Variants in WDR72 observed in about 807,000 individuals in gnomAD.
WDR72 encodes the protein WD repeat-containing protein 72.
Under a neutral mutation model 124.2 loss-of-function variants are expected in WDR72, and 120 were observed. The observed-to-expected ratio is 0.97, with a 90% CI of 0.83 to 1.12. WDR72 has a LOEUF of 1.12. Among genes scored for constraint, WDR72 ranks in the 50% most tolerant of loss-of-function variants. WDR72 has a pLI of 0.00. For missense variants in WDR72, 1,387 were observed against 1,278.8 expected (o/e 1.08, Z -1.29); for synonymous variants, 452 against 441.7 (o/e 1.02, Z -0.29).
At chr15:53,668,947 CAGGAGGAGGAGGAGA>C (rs1477459602) in intron 13 of WDR72, among the ~76,000 whole-genome samples, 23,095 of 82,990 alleles carry the variant, frequency 0.28, 4,953 homozygotes, top group Middle Eastern at 0.5. Flanking sequence ...GGAGGAGGAG[CAGGAGGAGGAGGAGA>C]AGGAGGAGGA....
At chr15:53,571,856 C>T (rs1431799889) in intron 18 of WDR72, among the ~76,000 whole-genome samples, 1 of 151,738 alleles carries the variant, frequency 6.6e-6, no homozygotes, top group Non-Finnish European at 1.5e-5. Context: ...GCAAGTGTTC[C>T]CTTTTGTCCA....
intron 19 of WDR72, among the ~76,000 whole-genome samples, chr15:53,518,423 G>T (rs1397584681): frequency 1.3e-5 from 2 of 151,942 alleles, no homozygotes; most frequent in Admixed American, 1.3e-4. Flanking sequence ...TACTAACTGT[G>T]TGTGTGTGTG....
rs1567031679 is a variant in WDR72, at chr15:53,692,443, AATAGTT to A, written c.1765+7301_1765+7306del. On this transcript the variant is annotated intron_variant, in intron 13 of 19. Transcript: ENST00000360509. ...AATTCATGAAGGATTTATAATAAAT[AATAGTT>A]AATGTTTATTCAGCCCTCGCTGCCA... 2.0e-5 allele frequency among the ~76,000 whole-genome samples: 3 copies of A among 152,188 alleles called. No homozygotes were observed. The East Asian group carries it at 5.8e-4, about 29-fold the overall frequency.
Position 53,733,055 on chromosome 15 carries a change from A to G in WDR72, c.95T>C (p.Ile32Thr). 6.2e-7 allele frequency: 1 copy of G among 1,614,038 alleles called. No homozygotes were observed. The highest frequency in any genetic ancestry group is 8.5e-7 in the Non-Finnish European group (1 of 1,179,946). Residue 32 changes from isoleucine to threonine, a missense_variant, in exon 2 of 20, where the codon ATT (isoleucine) becomes ACT (threonine). By Grantham distance (89) the Ile-to-Thr change is moderately conservative. Coordinates refer to ENST00000360509, the MANE Select transcript of WDR72 (RefSeq NM_182758.4). ...CTGACCCTCTTGACTTCCAGTCACA[A>G]TCGTTCGCTGGTCATCAGTGATCAT... Reference protein sequence around the residue: ...AIMITDDQRTIVTGSQEGQLC... With the variant: ...AIMITDDQRTTVTGSQEGQLC...
chr15:53,653,184 G>A (rs1202899416), intron 14 of WDR72, among the ~76,000 whole-genome samples: 1 of 152,060 alleles, frequency 6.6e-6, no homozygotes, highest in African/African-American at 2.4e-5. Context: ...TATTCTTCAT[G>A]TTTTAGACTT....
chr15:53,698,630 T>C lies in WDR72; in HGVS notation c.1765+1120A>G, dbSNP rs562864608. Among the ~76,000 whole-genome samples the C allele has an allele frequency of 7.0e-4, 106 of 152,330 alleles. 2 individuals carry two copies. In the South Asian group the frequency reaches 0.021, roughly 30 times the overall value. ...AGGTTCTGGAGGCAAGCCCAGGCTT[T>C]AGGGCCTATTTTATCTATTATAATT... On this transcript the variant is annotated intron_variant, in intron 13 of 19. Coordinates refer to ENST00000360509, the MANE Select transcript of WDR72 (RefSeq NM_182758.4).
intron 8 of WDR72, 26 bp from the exon 9 acceptor site, chr15:53,710,979 G>A (rs1314758189): frequency 1.3e-6 from 2 of 1,592,098 alleles, no homozygotes; most frequent in East Asian, 2.2e-5. Flanking sequence ...AAAAAGCAAA[G>A]TTTAGAACTT....
chr15:53,574,952 T>C (rs1209222482), intron 18 of WDR72, among the ~76,000 whole-genome samples: 4 of 150,372 alleles, frequency 2.7e-5, no homozygotes, highest in Admixed American at 1.3e-4. Flanking sequence ...GAGGAAATCC[T>C]CCAACAAGCA....
At chr15:53,757,621 TCAA>T (rs202036323) in intron 1 of WDR72, among the ~76,000 whole-genome samples, 2 of 149,736 alleles carry the variant, frequency 1.3e-5, no homozygotes, top group South Asian at 2.2e-4. Flanking sequence ...AGACTCCATC[TCAA>T]CAACAACAAC....
At chr15:53,711,260 G>A (rs763527164) in intron 8 of WDR72, 76 bp downstream of exon 8, 3 of 1,602,668 alleles carry the variant, frequency 1.9e-6, no homozygotes, top group Non-Finnish European at 2.6e-6. Flanking sequence ...CAGCATGCAG[G>A]GATTTTTCCA....
At chr15:53,636,761 G>A (rs2014638145) in intron 14 of WDR72, among the ~76,000 whole-genome samples, 1 of 152,136 alleles carries the variant, frequency 6.6e-6, no homozygotes, top group African/African-American at 2.4e-5. Flanking sequence ...AGATAATTCT[G>A]TGTACTTGTC....
intron 11 of WDR72, among the ~76,000 whole-genome samples, chr15:53,703,877 T>C (rs2017259711): frequency 6.6e-6 from 1 of 152,360 alleles, no homozygotes; most frequent in South Asian, 2.1e-4. Context: ...CCTGGATGAA[T>C]GTTCATTGAG....
intron 14 of WDR72, among the ~76,000 whole-genome samples, chr15:53,637,759 C>G (rs930889055): frequency 2.4e-4 from 37 of 152,234 alleles, no homozygotes; most frequent in African/African-American, 8.4e-4. Flanking sequence ...CTTCCCCAGC[C>G]CCATATTCTC....
chr15:53,714,615 A>C (rs1455305525), intron 5 of WDR72, 105 bp from the exon 6 acceptor site: 10 of 854,274 alleles, frequency 1.2e-5, no homozygotes, highest in Admixed American at 2.3e-5. Flanking sequence ...GTGTAGATAG[A>C]AAATTTTCAG....
intron 18 of WDR72, among the ~76,000 whole-genome samples, chr15:53,541,513 C>G (rs1893133976): frequency 6.6e-6 from 1 of 150,974 alleles, no homozygotes; most frequent in Admixed American, 6.6e-5. Context: ...CATCAAAGAG[C>G]AAAAGTAGAT....
chr15:53,587,107 T>A (rs116987091), intron 18 of WDR72, among the ~76,000 whole-genome samples: 2 of 152,178 alleles, frequency 1.3e-5, no homozygotes, highest in East Asian at 3.9e-4. Context: ...CCAGATGGCC[T>A]GCAATGCTTA....
At chr15:53,761,777 G>A (rs1223125953), upstream of WDR72, among the ~76,000 whole-genome samples, 1 of 152,044 alleles carries the variant, frequency 6.6e-6, no homozygotes, top group Non-Finnish European at 1.5e-5. Context: ...GCAGCTAGCT[G>A]TACCACTGCA....
intron 13 of WDR72, among the ~76,000 whole-genome samples, chr15:53,690,645 T>C (rs564744026): frequency 1.3e-5 from 2 of 152,326 alleles, no homozygotes; most frequent in Admixed American, 1.3e-4. Context: ...TAACACTTCA[T>C]TGTATGTGTA....
intron 5 of WDR72, 26 bp from the exon 6 acceptor site, chr15:53,714,536 T>C (rs778292504): frequency 4.5e-5 from 71 of 1,567,760 alleles, no homozygotes; most frequent in Middle Eastern, 1.7e-4. Context: ...AAGTCACATA[T>C]AAGCTTACCA....
Sources: allele counts gnomAD v4.1 joint callset (sites outside exome capture counted in the v4.1 genomes callset), GRCh38; gene constraint gnomAD v4.1.1; transcripts MANE v1.5; gene names NCBI Gene and HGNC (gene_info 2026-07-23, HGNC 2026-07-21).